Variants in GPHN observed in about 807,000 individuals in gnomAD.
GPHN encodes gephyrin.
In GPHN, 17 loss-of-function variants were observed where a neutral mutation model predicts 95.5. The observed-to-expected ratio is 0.18, with a 90% CI of 0.12 to 0.27. GPHN has a LOEUF of 0.27. Among genes scored for constraint, GPHN ranks in the 10% least tolerant of loss-of-function variants. The probability of loss-of-function intolerance (pLI) is 1.00; values close to 1 mark genes in which losing one functional copy is unlikely to be tolerated. For synonymous variants in GPHN, 320 were observed against 322.5 expected, an observed-to-expected ratio of 0.99 and a Z score of 0.08; for missense variants, 660 against 978.1, an observed-to-expected ratio of 0.67 and a Z score of 4.34.
the GPHN span, among the ~76,000 whole-genome samples, chr14:67,551,626 C>T: frequency 3.3e-5 from 5 of 152,204 alleles, no homozygotes; most frequent in East Asian, 3.9e-4. Context: ...GAACCTTTCA[C>T]GCCTGTAATC....
the GPHN span, chr14:67,650,932 C>T: frequency 1.2e-6 from 2 of 1,611,872 alleles, no homozygotes; most frequent in Non-Finnish European, 8.5e-7. Flanking sequence ...AGACACTGTG[C>T]ACTGACATGT....
chr14:67,070,808 C>T (rs1026969102), intron 11 of GPHN, among the ~76,000 whole-genome samples: 2 of 149,954 alleles, frequency 1.3e-5, no homozygotes, highest in African/African-American at 5.0e-5. Flanking sequence ...CTTTTACCAC[C>T]GTACTTATTA....
At chr14:67,058,086 C>G (rs987811011) in intron 10 of GPHN, among the ~76,000 whole-genome samples, 1 of 152,142 alleles carries the variant, frequency 6.6e-6, no homozygotes, top group South Asian at 2.1e-4. Flanking sequence ...GCAGAAGCAG[C>G]AATATCATTC....
intron 1 of GPHN, among the ~76,000 whole-genome samples, chr14:66,520,294 A>T (rs1234045403): frequency 6.6e-6 from 1 of 152,150 alleles, no homozygotes; most frequent in South Asian, 2.1e-4. Context: ...TTACTTTCCA[A>T]TAAGGATGTA....
chr14:67,049,352 G>C (rs199875978), intron 10 of GPHN, among the ~76,000 whole-genome samples: 6 of 144,956 alleles, frequency 4.1e-5, no homozygotes, highest in South Asian at 2.3e-4. Flanking sequence ...CTCAGCCTCC[G>C]GAGTAGCTGG....
chr14:66,544,977 T>C (rs556639275), intron 1 of GPHN, among the ~76,000 whole-genome samples: 1,662 of 152,316 alleles, frequency 0.011, 26 homozygotes, highest in African/African-American at 0.037. Flanking sequence ...AAAAGTCTCC[T>C]GTGTCTACCT....
chr14:67,490,124 C>T, the GPHN span, among the ~76,000 whole-genome samples: 3 of 152,088 alleles, frequency 2.0e-5, no homozygotes, highest in South Asian at 2.1e-4. Flanking sequence ...AATTCTTGGG[C>T]GACTGAAACA....
At chr14:67,179,427 A>G (rs1187274707) in intron 21 of GPHN, 151 bp from the exon 22 acceptor site, 3 of 628,532 alleles carry the variant, frequency 4.8e-6, no homozygotes, top group East Asian at 2.8e-5. Context: ...ATTTAAAAAG[A>G]AAAAGAACAT....
In GPHN at chr14:66,600,885, C is replaced by A. The variant is rs2140834544; in HGVS notation, c.65-80222C>A. Among the ~76,000 whole-genome samples, 3 of 152,176 alleles carry A rather than the reference C, an allele frequency of 2.0e-5. No homozygotes were observed. The Middle Eastern group carries it at 0.01, about 518-fold the overall frequency. ...GACTCAAAATTCTCCTCCTCCTGCA[C>A]ATTTCCACAAATTATTGCCAAAGTG... On this transcript the variant is annotated intron_variant, in intron 1 of 22. Transcript: ENST00000478722.
At chr14:67,619,166 A>C in the GPHN span, among the ~76,000 whole-genome samples, 1 of 152,326 alleles carries the variant, frequency 6.6e-6, no homozygotes, top group Admixed American at 6.5e-5. Context: ...TGAGATTATT[A>C]AATTATTATT....
the GPHN span, among the ~76,000 whole-genome samples, chr14:67,325,647 T>A: frequency 5.9e-5 from 9 of 152,194 alleles, no homozygotes; most frequent in Non-Finnish European, 1.3e-4. Context: ...AGGAAAAGGA[T>A]GCGCACTAAG....
chr14:66,819,801 G>T (rs2061120727), intron 3 of GPHN, among the ~76,000 whole-genome samples: 1 of 151,978 alleles, frequency 6.6e-6, no homozygotes, highest in Non-Finnish European at 1.5e-5. Context: ...ATTTAACATT[G>T]TTTATAAAAC....
the GPHN span, chr14:67,317,368 C>G: frequency 2.7e-6 from 4 of 1,496,282 alleles, no homozygotes; most frequent in Non-Finnish European, 3.7e-6. Context: ...GTTTTGTTCA[C>G]GGGAACACAT....
chr14:67,626,388 G>GT, the GPHN span, among the ~76,000 whole-genome samples: 1 of 152,248 alleles, frequency 6.6e-6, no homozygotes, highest in Non-Finnish European at 1.5e-5. Context: ...CACTACTGGT[G>GT]TGAATGTAAA....
the GPHN span, among the ~76,000 whole-genome samples, chr14:67,416,278 T>C: frequency 1.3e-5 from 2 of 152,226 alleles, no homozygotes; most frequent in Non-Finnish European, 2.9e-5. Flanking sequence ...CTGTGTGTTA[T>C]CTCAGTCAAG....
At chr14:67,132,255 C>A (rs186506034) in intron 17 of GPHN, among the ~76,000 whole-genome samples, 50 of 152,298 alleles carry the variant, frequency 3.3e-4, no homozygotes, top group South Asian at 1.7e-3. Context: ...CTTACAACTT[C>A]CAATTTGTGA....
the GPHN span, among the ~76,000 whole-genome samples, chr14:67,433,300 T>C: frequency 6.6e-6 from 1 of 152,130 alleles, no homozygotes; most frequent in South Asian, 2.1e-4. Flanking sequence ...AATACTTGTA[T>C]TTTAGTGAGC....
At chr14:67,012,431 T>C (rs1305399557) in intron 9 of GPHN, among the ~76,000 whole-genome samples, 1 of 152,212 alleles carries the variant, frequency 6.6e-6, no homozygotes, top group African/African-American at 2.4e-5. Context: ...CCCACTTTGC[T>C]GGAACCCTAA....
chr14:67,689,042 A>G, the GPHN span, among the ~76,000 whole-genome samples: 1 of 152,172 alleles, frequency 6.6e-6, no homozygotes. Flanking sequence ...GAGTCACCTC[A>G]TTCATGTATT....
Sources: allele counts gnomAD v4.1 joint callset (sites outside exome capture counted in the v4.1 genomes callset), GRCh38; gene constraint gnomAD v4.1.1; transcripts MANE v1.5; gene names NCBI Gene and HGNC (gene_info 2026-07-23, HGNC 2026-07-21).